Variants in MAX observed in about 807,000 individuals in gnomAD.
MAX encodes protein max.
A neutral mutation model predicts 22.3 loss-of-function variants in MAX; 3 were observed. The observed-to-expected ratio is 0.13, with a 90% confidence interval of 0.06 to 0.35. The LOEUF is 0.35. MAX is among the 10% of genes least tolerant of loss of function. MAX has a pLI of 1.00. For missense variants in MAX, 119 were observed against 209.4 expected, an observed-to-expected ratio of 0.57 and a Z score of 2.66; for synonymous variants, 72 against 77.7, an observed-to-expected ratio of 0.93 and a Z score of 0.39.
intron 3 of MAX, among the ~76,000 whole-genome samples, chr14:65,052,428 A>G (rs941948935): frequency 5.3e-5 from 8 of 152,328 alleles, no homozygotes; most frequent in African/African-American, 1.9e-4. Context: ...AGGTATCAAA[A>G]TATAAAATTG....
chr14:65,070,479 T>A (rs1260700667), downstream of MAX, among the ~76,000 whole-genome samples: 1 of 152,204 alleles, frequency 6.6e-6, no homozygotes, highest in Non-Finnish European at 1.5e-5. The surrounding 1 kb of genome is among the most constrained non-coding windows in gnomAD (Gnocchi z 4.4). Flanking sequence ...CAATCCTAAA[T>A]GGGGCCTGGC....
chr14:65,080,397 G>A (rs2063172037), intron 3 of MAX, among the ~76,000 whole-genome samples: 1 of 152,106 alleles, frequency 6.6e-6, no homozygotes, highest in Admixed American at 6.5e-5. Context: ...GTGACAAAAT[G>A]GGGTGGAAAA....
chr14:65,039,346 T>A lies in MAX; in HGVS notation c.172-33062A>T, dbSNP rs78880519. Among the ~76,000 whole-genome samples the A allele has an allele frequency of 0.011, 1,621 of 152,344 alleles. 41 individuals are homozygous for A. The East Asian group carries it at 0.11, about 11-fold the overall frequency. The stretch of plus-strand genomic sequence containing the variant: ...ATTACTGACTCTCACGTAATCACAT[T>A]TGGTACAGTGCTCCCTCCTCCTCTT... On this transcript the variant is annotated intron_variant, in intron 3 of 3. Coordinates refer to the MAX transcript ENST00000341653.
chr14:65,033,090 T>C (rs568284991), intron 3 of MAX, among the ~76,000 whole-genome samples: 28 of 152,264 alleles, frequency 1.8e-4, no homozygotes, highest in Admixed American at 5.2e-4. Flanking sequence ...AGCCAAAAGC[T>C]GAAAGCAGAT....
chr14:65,021,666 G>A (rs1161885138), intron 3 of MAX, among the ~76,000 whole-genome samples: 1 of 151,614 alleles, frequency 6.6e-6, no homozygotes, highest in Middle Eastern at 3.2e-3. Flanking sequence ...TTTTTCCTTT[G>A]AGGCAGTCTT....
At position 65,023,623 on chromosome 14, in the gene MAX, G is replaced by C. The variant is rs747979697; in HGVS notation, c.172-17339C>G. On this transcript the variant is annotated intron_variant, in intron 3 of 3. Transcript: ENST00000341653. This position sits in a 1 kb window ranked among gnomAD's most constrained non-coding sequence, Gnocchi z 4.1. ...TATTGGCCACTAGCCACAGTTAGTT[G>C]TGGAGTACTTGAAATGTGTCTTGTG... is the stretch of plus-strand genomic sequence containing the variant. 1.3e-5 allele frequency among the ~76,000 whole-genome samples: 2 copies of C among 152,208 alleles called. No individual in the cohort carries two copies. The highest frequency in any genetic ancestry group is 2.9e-5 in the Non-Finnish European group (2 of 68,034).
chr14:65,052,242 T>G (rs1335124245), intron 3 of MAX, among the ~76,000 whole-genome samples: 3 of 152,194 alleles, frequency 2.0e-5, no homozygotes, highest in Non-Finnish European at 2.9e-5. Flanking sequence ...AATAGAAAAT[T>G]TATGCCTATA....
At position 65,054,825 on chromosome 14, in the gene MAX, G is replaced by C; in HGVS notation, c.171+38883C>G. On this transcript the variant is annotated intron_variant, in intron 3 of 3. Coordinates refer to the MAX transcript ENST00000341653. The surrounding 1 kb of genome is among the most constrained non-coding windows in gnomAD (Gnocchi z 4.4). ...TTGTGGTCCCTCTGCCCTTCGAGCT[G>C]TGCAGCCGTTAGTGAGGATGTGACC... The C allele has an allele frequency of 1.0e-6, 1 of 973,650 alleles. No individual in the cohort carries two copies. Among genetic ancestry groups the C allele is most frequent in the Non-Finnish European group, 1.5e-6 (1 of 661,662 alleles). 60.3% of individuals were successfully genotyped at this position (973,650 alleles called of 1,614,324 possible). A position where few individuals can be genotyped will look rare whatever the true frequency, so the allele number is the denominator to read the frequency against.
intron 3 of MAX, chr14:65,090,614 C>T (rs2063475631): frequency 6.6e-6 from 1 of 152,160 alleles, no homozygotes; most frequent in South Asian, 2.1e-4. Context: ...AAGTGATCCT[C>T]CCACCACAGC....
chr14:65,060,005 T>C (rs1182949924), intron 3 of MAX, among the ~76,000 whole-genome samples: 1 of 151,858 alleles, frequency 6.6e-6, no homozygotes, highest in Non-Finnish European at 1.5e-5. Flanking sequence ...GGCTAATTTT[T>C]GTATTTTTGT....
chr14:65,015,810 A>T, intron 3 of MAX: 1 of 1,392,102 alleles, frequency 7.2e-7, no homozygotes, highest in Non-Finnish European at 1.0e-6. Flanking sequence ...TTTGGAATGG[A>T]AAAAAACAGT....
At chr14:65,058,185 A>G (rs1267354042) in intron 3 of MAX, among the ~76,000 whole-genome samples, 1 of 149,016 alleles carries the variant, frequency 6.7e-6, no homozygotes, top group Non-Finnish European at 1.5e-5. Flanking sequence ...GCTTCCATTT[A>G]TGAACATAAT....
At chr14:65,101,650 A>C in intron 1 of MAX, 78 bp from the exon 2 acceptor site, 7 of 1,143,054 alleles carry the variant, frequency 6.1e-6, no homozygotes, top group Non-Finnish European at 7.7e-6. Context: ...AAGAAAGAAA[A>C]TGCCGGCGGC....
intron 3 of MAX, chr14:65,091,956 G>A (rs2063520634): frequency 6.6e-6 from 1 of 152,112 alleles, no homozygotes; most frequent in Non-Finnish European, 1.5e-5. Flanking sequence ...TGGCATGAAT[G>A]AGTAAATAAA....
In MAX at chr14:65,044,672, G is replaced by A. The variant is rs777686413; in HGVS notation, c.172-38388C>T. ...TTCTTCAAATTGGCTGCGACAGAAT[G>A]AGCTTCCTTGAAATTGCTACGGGGA... On this transcript the variant is annotated intron_variant, in intron 3 of 3. Transcript: ENST00000341653. The surrounding 1 kb of genome is among the most constrained non-coding windows in gnomAD (Gnocchi z 5.5). 3.1e-5 allele frequency: 20 copies of A among 649,952 alleles called. No individual in the cohort carries two copies. In the Admixed American group the frequency reaches 7.7e-4, roughly 25 times the overall value. 40.3% of individuals were successfully genotyped at this position (649,952 alleles called of 1,614,324 possible). A position where few individuals can be genotyped will look rare whatever the true frequency, so the allele number is the denominator to read the frequency against.
chr14:65,099,535 A>AAAAAC (rs1555344132), intron 2 of MAX, among the ~76,000 whole-genome samples: 6 of 150,366 alleles, frequency 4.0e-5, no homozygotes, highest in African/African-American at 1.2e-4. Flanking sequence ...TTTCACCAAA[A>AAAAAC]AAACAAACAA....
rs886050628 is a variant in MAX, at chr14:65,075,191, A to G, written c.*1285T>C. 21 of 1,041,952 alleles carry G rather than the reference A, an allele frequency of 2.0e-5. No homozygotes were observed. The East Asian group carries it at 1.1e-3, about 54-fold the overall frequency. The allele number at this position is 1,041,952 out of a possible 1,614,324, so 64.5% of individuals were successfully genotyped here. On this transcript the variant is annotated 3_prime_UTR_variant, in exon 5 of 5. Coordinates refer to ENST00000358664, the MANE Select transcript of MAX (RefSeq NM_002382.5). This position sits in a 1 kb window ranked among gnomAD's most constrained non-coding sequence, Gnocchi z 4.1. ...GGGGGAAGCCTTAACTTGCAAGACAATTCTTCGGCAGTATGTACAACATAC... is the reference window on the plus strand; with the variant it reads ...GGGGGAAGCCTTAACTTGCAAGACAGTTCTTCGGCAGTATGTACAACATAC...
chr14:65,091,826 T>C (rs553161465), intron 3 of MAX: 2 of 152,378 alleles, frequency 1.3e-5, no homozygotes, highest in African/African-American at 4.8e-5. Context: ...TACTTCATTT[T>C]TTAATCATTT....
intron 2 of MAX, among the ~76,000 whole-genome samples, chr14:65,095,979 T>C (rs1004894069): frequency 5.3e-5 from 8 of 152,094 alleles, no homozygotes; most frequent in Admixed American, 2.0e-4. Context: ...CCCCCTCCCA[T>C]TCACTGAGCT....
Sources: gnomAD v4.1 joint callset for allele counts (sites outside exome capture counted in the v4.1 genomes callset) on GRCh38, gnomAD v4.1.1 for gene constraint, Gnocchi (gnomAD v3.1) non-coding constraint, MANE v1.5 for transcripts, NCBI Gene and HGNC (gene_info 2026-07-23, HGNC 2026-07-21) for gene names.